The following PATE4 variants were observed in gnomAD, a reference collection of about 807,000 sequenced individuals.
PATE4 encodes the protein prostate and testis expressed 4.
Under a neutral mutation model 8.5 loss-of-function variants are expected in PATE4, and 13 were observed. The ratio of observed to expected loss-of-function variants is 1.53; its 90% confidence interval spans 1.00 to 2.43. The LOEUF (loss-of-function observed/expected upper bound fraction) is 2.43. PATE4 is among the 30% of genes most tolerant of loss of function. The pLI is 0.00. For synonymous variants in PATE4, 47 were observed against 39.3 expected, an observed-to-expected ratio of 1.20 and a Z score of -0.73; for missense variants, 127 against 115.5, an observed-to-expected ratio of 1.10 and a Z score of -0.46.
At chr11:125,834,428 A>C (rs1288930785) in intron 1 of PATE4, among the ~76,000 whole-genome samples, 1 of 152,240 alleles carries the variant, frequency 6.6e-6, no homozygotes, top group Non-Finnish European at 1.5e-5. Flanking sequence ...TTAAACATAT[A>C]AAAAGTGCTC....
intron 1 of PATE4, among the ~76,000 whole-genome samples, chr11:125,836,331 T>G (rs1943919704): frequency 6.6e-6 from 1 of 152,066 alleles, no homozygotes; most frequent in African/African-American, 2.4e-5. Context: ...TGCTTAAAAT[T>G]TTTCGATAAA....
intron 1 of PATE4, among the ~76,000 whole-genome samples, chr11:125,836,116 G>A (rs999408710): frequency 4.6e-5 from 6 of 131,358 alleles, no homozygotes; most frequent in Admixed American, 4.2e-4. Context: ...CGAAAGTGAT[G>A]GCAAGACTTT....
chr11:125,838,190 C>A, intron 2 of PATE4, 116 bp from the exon 3 acceptor site: 1 of 1,246,104 alleles, frequency 8.0e-7, no homozygotes. Context: ...GAACATGAAC[C>A]CAGGAGCCGG....
intron 1 of PATE4, among the ~76,000 whole-genome samples, chr11:125,836,385 C>G (rs1943920142): frequency 6.6e-6 from 1 of 152,138 alleles, no homozygotes; most frequent in Non-Finnish European, 1.5e-5. Flanking sequence ...TGTCTTTGGC[C>G]TAGGAGGGCT....
In PATE4 at chr11:125,839,661, G is replaced by C. The variant is rs1275125979; in HGVS notation, c.*1234G>C. On this transcript the variant is annotated 3_prime_UTR_variant, in exon 3 of 3. Transcript: ENST00000457514. ...TCACAATCATGGCAGAAGGTAAAAG[G>C]CATGTCTCACATAGTGACAGACAAG... The C allele has an allele frequency of 6.6e-6, 1 of 152,496 alleles. No individual in the cohort carries two copies. The highest frequency in any genetic ancestry group is 6.5e-5 in the Admixed American group (1 of 15,288). 9.4% of individuals were successfully genotyped at this position (152,496 alleles called of 1,614,324 possible). A position where few individuals can be genotyped will look rare whatever the true frequency, so the allele number is the denominator to read the frequency against.
intron 1 of PATE4, among the ~76,000 whole-genome samples, chr11:125,836,741 G>A (rs956016978): frequency 3.3e-5 from 5 of 152,092 alleles, no homozygotes; most frequent in Admixed American, 3.3e-4. Flanking sequence ...TTTAATGCCT[G>A]TCTCCCCAGC....
intron 1 of PATE4, among the ~76,000 whole-genome samples, chr11:125,836,933 T>C (rs552917563): frequency 6.6e-6 from 1 of 152,300 alleles, no homozygotes; most frequent in East Asian, 1.9e-4. Context: ...ATGAATAAAC[T>C]TTAGGGTTAT....
chr11:125,836,517 T>A (rs146670881), intron 1 of PATE4, among the ~76,000 whole-genome samples: 2 of 152,210 alleles, frequency 1.3e-5, no homozygotes, highest in Non-Finnish European at 2.9e-5. Context: ...TCACTGCTGT[T>A]CCCTCTGCCT....
chr11:125,837,820 C>A, intron 1 of PATE4, 48 bp from the exon 2 acceptor site: 1 of 1,396,882 alleles, frequency 7.2e-7, no homozygotes, highest in South Asian at 1.3e-5. Context: ...CTCACTTTTC[C>A]ATTGTCCCAC....
intron 1 of PATE4, among the ~76,000 whole-genome samples, chr11:125,836,951 C>T (rs1302552309): frequency 6.6e-6 from 1 of 152,140 alleles, no homozygotes; most frequent in Non-Finnish European, 1.5e-5. Context: ...TATGCAAAGG[C>T]AATTGGATTT....
At chr11:125,833,547 T>A in intron 1 of PATE4, 130 bp downstream of exon 1, 1 of 787,432 alleles carries the variant, frequency 1.3e-6, no homozygotes, top group South Asian at 2.0e-5. Flanking sequence ...TTTCAGGATG[T>A]CAGAGAGATC....
chr11:125,837,832 A>G (rs1280401434), intron 1 of PATE4, 36 bp from the exon 2 acceptor site: 10 of 1,477,278 alleles, frequency 6.8e-6, no homozygotes, highest in East Asian at 5.0e-5. Context: ...TTGTCCCACA[A>G]TCCAGCCTGA....
Sources: allele counts gnomAD v4.1 joint callset (sites outside exome capture counted in the v4.1 genomes callset), GRCh38; gene constraint gnomAD v4.1.1; transcripts MANE v1.5; gene names NCBI Gene and HGNC (gene_info 2026-07-23, HGNC 2026-07-21).